Variants in CPED1 observed in about 807,000 individuals in gnomAD.
The protein encoded by CPED1 is cadherin like and PC-esterase domain containing 1, also known as cadherin-like and PC-esterase domain-containing protein 1.
In CPED1, 114 loss-of-function variants were observed where a neutral mutation model predicts 128.2. The observed-to-expected ratio is 0.89, with a 90% CI of 0.76 to 1.04. The LOEUF is 1.04. Among genes scored for constraint, CPED1 ranks in the 50% least tolerant of loss-of-function variants. CPED1 has a pLI of 0.00. For missense variants in CPED1, 1,211 were observed against 1,207.1 expected (o/e 1.00, Z -0.05); for synonymous variants, 462 against 426.7 (o/e 1.08, Z -1.02).
chr7:121,069,728 T>A (rs1793941609), intron 5 of CPED1, among the ~76,000 whole-genome samples: 1 of 152,184 alleles, frequency 6.6e-6, no homozygotes, highest in Admixed American at 6.5e-5. Flanking sequence ...TTGTTGCTAA[T>A]GTTTTTTGTT....
intron 17 of CPED1, 134 bp downstream of exon 17, chr7:121,236,965 T>C (rs1246674472): frequency 6.7e-6 from 3 of 447,194 alleles, no homozygotes; most frequent in Non-Finnish European, 1.2e-5. Context: ...ATAAAGCATA[T>C]AATTAATGTA....
intron 16 of CPED1, among the ~76,000 whole-genome samples, chr7:121,206,131 C>A (rs1797511501): frequency 6.6e-6 from 1 of 151,806 alleles, no homozygotes; most frequent in African/African-American, 2.4e-5. Context: ...AGATAAATAC[C>A]CCTCATTTAA....
intron 22 of CPED1, among the ~76,000 whole-genome samples, chr7:121,278,527 A>G (rs1792374768): frequency 6.6e-6 from 1 of 152,192 alleles, no homozygotes; most frequent in Non-Finnish European, 1.5e-5. Context: ...TGTGCTGAAG[A>G]TGAGTCACAG....
intron 17 of CPED1, among the ~76,000 whole-genome samples, chr7:121,237,306 G>T (rs1348468511): frequency 6.6e-6 from 1 of 152,090 alleles, no homozygotes; most frequent in African/African-American, 2.4e-5. Context: ...GTACATAGTA[G>T]TTAGAAAATA....
chr7:121,229,797 GT>G (rs1012394439), intron 16 of CPED1, among the ~76,000 whole-genome samples: 2 of 151,874 alleles, frequency 1.3e-5, no homozygotes, highest in African/African-American at 4.8e-5. Context: ...TAAAATGTTT[GT>G]TTTTTTAGTT....
intron 16 of CPED1, among the ~76,000 whole-genome samples, chr7:121,173,216 C>A (rs1236904706): frequency 6.6e-6 from 1 of 151,960 alleles, no homozygotes; most frequent in Non-Finnish European, 1.5e-5. Flanking sequence ...CTTTCACTAC[C>A]CTGTGAAACA....
chr7:121,123,427 A>C (rs1316324359), intron 7 of CPED1, among the ~76,000 whole-genome samples: 1 of 152,190 alleles, frequency 6.6e-6, no homozygotes, highest in Non-Finnish European at 1.5e-5. Flanking sequence ...AAAAAACATT[A>C]ATAGAATACC....
chr7:121,267,135 G>A (rs557025576), intron 20 of CPED1, 80 bp from the exon 21 acceptor site: 12 of 758,878 alleles, frequency 1.6e-5, no homozygotes, highest in African/African-American at 1.4e-4. Flanking sequence ...AGAATTCTAT[G>A]GTATTTGTTT....
Position 121,133,863 on chromosome 7 carries a change from G to C in CPED1, c.1618G>C (p.Val540Leu), listed in dbSNP as rs748693750. 5 of 1,598,572 alleles carry C rather than the reference G, an allele frequency of 3.1e-6. No individual in the cohort carries two copies. Among genetic ancestry groups the C allele is most frequent in the Non-Finnish European group, 4.3e-6 (5 of 1,169,730 alleles). ...TEDKNIEKPQVPFDAIENKKA... is the reference protein window; with the variant it reads ...TEDKNIEKPQLPFDAIENKKA... ...AGATAAGAACATTGAAAAACCACAA[G>C]TGCCATTTGATGCAATAGAAAATAA... is the stretch of plus-strand genomic sequence containing the variant. Residue 540 changes from valine (V) to leucine (L), a missense_variant, in exon 13 of 23, where the codon GTG becomes CTG. Physicochemically the swap from Val to Leu is conservative, Grantham distance 32. Coordinates refer to ENST00000310396, the MANE Select transcript of CPED1 (RefSeq NM_024913.5).
In CPED1 at chr7:121,166,165, C is replaced by T. The variant is rs367733870; in HGVS notation, c.2055+24024C>T. Among the ~76,000 whole-genome samples, 23 of 152,116 alleles carry T rather than the reference C, an allele frequency of 1.5e-4. No individual in the cohort carries two copies. The East Asian group carries it at 3.3e-3, about 22-fold the overall frequency. Reference sequence around the variant, plus strand: ...AAAAAAACATTTCACCAGAAGACCACATTTTGTATGTTATTCAATAAGATA... The same window carrying T: ...AAAAAAACATTTCACCAGAAGACCATATTTTGTATGTTATTCAATAAGATA... On this transcript the variant is annotated intron_variant, in intron 16 of 22. Coordinates refer to ENST00000310396, the MANE Select transcript of CPED1 (RefSeq NM_024913.5).
At chr7:121,205,693 G>C (rs13229354) in intron 16 of CPED1, among the ~76,000 whole-genome samples, 1 of 151,804 alleles carries the variant, frequency 6.6e-6, no homozygotes, top group African/African-American at 2.4e-5. Context: ...GCAGCACTCA[G>C]CTCTAGGATT....
Position 121,120,985 on chromosome 7 carries a change from AAAC to A in CPED1, c.919-3343_919-3341del, listed in dbSNP as rs1302989592. ...CTGACCTAAAAAAAAAAAAAAAAAA[AAAC>A]AAAAAAACTCACAGTCTAGCAGAAA... On this transcript the variant is annotated intron_variant, in intron 7 of 22. Transcript: ENST00000310396. Among the ~76,000 whole-genome samples the A allele has an allele frequency of 3.9e-3, 548 of 140,788 alleles. 21 individuals carry two copies. The highest frequency in any genetic ancestry group is 0.019 in the Middle Eastern group (5 of 262). 92.4% of individuals were successfully genotyped at this position (140,788 alleles called of 152,430 possible).
At chr7:121,230,978 CTA>C (rs2116650135) in intron 16 of CPED1, among the ~76,000 whole-genome samples, 1 of 152,066 alleles carries the variant, frequency 6.6e-6, no homozygotes, top group African/African-American at 2.4e-5. Flanking sequence ...AAACAGATGA[CTA>C]TGTGTCTGGA....
At chr7:121,085,265 TCTC>T (rs1294013165) in intron 5 of CPED1, among the ~76,000 whole-genome samples, 3 of 145,252 alleles carry the variant, frequency 2.1e-5, no homozygotes, top group African/African-American at 7.6e-5. Context: ...AGTACCTGCT[TCTC>T]CTCCTGCTGC....
intron 2 of CPED1, among the ~76,000 whole-genome samples, chr7:121,015,160 T>A (rs1191810976): frequency 1.3e-5 from 2 of 152,186 alleles, no homozygotes; most frequent in Non-Finnish European, 2.9e-5. Flanking sequence ...ACAGCCTAAT[T>A]GAGAGAAACT....
chr7:121,175,777 T>C (rs1796761342), intron 16 of CPED1, among the ~76,000 whole-genome samples: 1 of 152,102 alleles, frequency 6.6e-6, no homozygotes, highest in Non-Finnish European at 1.5e-5. Context: ...TTGGAACTTT[T>C]CAATACAACA....
At chr7:121,117,099 A>AC (rs61530693) in intron 7 of CPED1, among the ~76,000 whole-genome samples, 2 of 140,404 alleles carry the variant, frequency 1.4e-5, no homozygotes, top group South Asian at 2.2e-4. Context: ...ATATATATAT[A>AC]AATATATATA....
At position 121,267,131 on chromosome 7, in the gene CPED1, C is replaced by T. The variant is rs1208779210; in HGVS notation, c.2634-84C>T. 10 of 750,618 alleles carry T rather than the reference C, an allele frequency of 1.3e-5. No homozygotes were observed. The Admixed American group carries it at 2.1e-4, about 16-fold the overall frequency. The allele number at this position is 750,618 out of a possible 1,614,324, so 46.5% of individuals were successfully genotyped here. A position where few individuals can be genotyped will look rare whatever the true frequency, so the allele number is the denominator to read the frequency against. On this transcript the variant is annotated intron_variant, in intron 20 of 22. Transcript: ENST00000310396. ...CCAATTATCACATTCTGAAAGAATT[C>T]TATGGTATTTGTTTATATAAACAAC...
intron 3 of CPED1, among the ~76,000 whole-genome samples, chr7:121,041,604 G>A (rs1278706591): frequency 2.6e-5 from 4 of 152,090 alleles, no homozygotes; most frequent in African/African-American, 4.8e-5. Flanking sequence ...TGTTATCAGC[G>A]AAGGAGGTCA....
Sources: gnomAD v4.1 joint callset for allele counts (sites outside exome capture counted in the v4.1 genomes callset) on GRCh38, gnomAD v4.1.1 for gene constraint, MANE v1.5 for transcripts, NCBI Gene and HGNC (gene_info 2026-07-23, HGNC 2026-07-21) for gene names.